CSMD1: variants seen among roughly 807,000 people sequenced by gnomAD.
CSMD1 encodes the protein CUB and sushi domain-containing protein 1.
CSMD1 carries 213 observed loss-of-function variants against 417.5 expected under a neutral mutation model. That is an observed-to-expected ratio of 0.51 (90% CI 0.46 to 0.57). CSMD1 has a LOEUF of 0.57. Ranked by LOEUF, CSMD1 falls within the 20% of genes least tolerant of loss-of-function variation. The pLI is 0.00. For missense variants in CSMD1, 6,923 were observed against 4,529.7 expected (o/e 1.53, Z -15.17); for synonymous variants, 2,862 against 1,736.8 (o/e 1.65, Z -16.11).
chr8:3,549,110 G>A (rs1298494900), intron 10 of CSMD1, among the ~76,000 whole-genome samples: 4 of 152,152 alleles, frequency 2.6e-5, no homozygotes, highest in Non-Finnish European at 5.9e-5. Context: ...ACATTGCCAT[G>A]CAGATGCCCG....
chr8:3,300,276 C>G (rs1223642713), intron 25 of CSMD1, among the ~76,000 whole-genome samples: 1 of 151,796 alleles, frequency 6.6e-6, no homozygotes, highest in Non-Finnish European at 1.5e-5. Flanking sequence ...TTTGTATTTG[C>G]ATAGAAAAAA....
chr8:4,086,560 G>C (rs10503232), intron 3 of CSMD1, among the ~76,000 whole-genome samples: 16,337 of 152,200 alleles, frequency 0.11, 970 homozygotes, highest in South Asian at 0.13. Context: ...AGGGCCCACA[G>C]AGTTACATCC....
intron 1 of CSMD1, among the ~76,000 whole-genome samples, chr8:4,775,355 T>A (rs1187801449): frequency 2.0e-5 from 3 of 152,174 alleles, no homozygotes; most frequent in African/African-American, 7.2e-5. Flanking sequence ...ACTACGAATT[T>A]TTATAGAAAA....
chr8:4,768,470 C>T (rs1416627370), intron 1 of CSMD1, among the ~76,000 whole-genome samples: 1 of 152,176 alleles, frequency 6.6e-6, no homozygotes, highest in Non-Finnish European at 1.5e-5. Flanking sequence ...GCAGTTGATT[C>T]TCTTAAAGGC....
intron 52 of CSMD1, among the ~76,000 whole-genome samples, chr8:3,013,981 C>T (rs1339184916): frequency 1.3e-5 from 2 of 152,132 alleles, no homozygotes; most frequent in African/African-American, 4.8e-5. Context: ...TTACCCAAAA[C>T]TCCCAAGTTC....
At chr8:3,904,410 T>A (rs781000108) in intron 5 of CSMD1, among the ~76,000 whole-genome samples, 39 of 152,202 alleles carry the variant, frequency 2.6e-4, no homozygotes, top group Admixed American at 8.5e-4. Flanking sequence ...TGGACCTATG[T>A]TAGTGCTTCT....
rs575356509 is a variant in CSMD1, at chr8:3,005,245, G to A, written c.8030-5114C>T. ...CTGGGTGGGACCCAGGAATTTGAACGTCTTTCCTGAGTTACAAAGAGTTTC... is the reference window on the plus strand; with the variant it reads ...CTGGGTGGGACCCAGGAATTTGAACATCTTTCCTGAGTTACAAAGAGTTTC... On this transcript the variant is annotated intron_variant, in intron 52 of 69. Transcript: ENST00000635120. Among the ~76,000 whole-genome samples, 8 of 152,306 alleles carry A rather than the reference G, an allele frequency of 5.3e-5. No individual in the cohort carries two copies. The East Asian group carries it at 5.8e-4, about 11-fold the overall frequency.
At chr8:4,733,885 G>A (rs1416065448) in intron 1 of CSMD1, among the ~76,000 whole-genome samples, 1 of 152,106 alleles carries the variant, frequency 6.6e-6, no homozygotes, top group Non-Finnish European at 1.5e-5. Context: ...ATTGACCTGG[G>A]TAGCTTTTTG....
At chr8:3,541,422 T>A (rs1354572344) in intron 10 of CSMD1, among the ~76,000 whole-genome samples, 1 of 152,040 alleles carries the variant, frequency 6.6e-6, no homozygotes, top group Non-Finnish European at 1.5e-5. Flanking sequence ...CTAATACGTG[T>A]GGGGCTTAAT....
At chr8:4,851,668 C>G (rs1484798549) in intron 1 of CSMD1, among the ~76,000 whole-genome samples, 1 of 152,124 alleles carries the variant, frequency 6.6e-6, no homozygotes, top group Non-Finnish European at 1.5e-5. Flanking sequence ...CCTGCTCTCC[C>G]TCTCCTCACT....
At chr8:3,502,900 G>C (rs991158506) in intron 10 of CSMD1, among the ~76,000 whole-genome samples, 6 of 152,128 alleles carry the variant, frequency 3.9e-5, no homozygotes, top group Admixed American at 2.0e-4. Context: ...TGCATGAACA[G>C]CATGAATGCA....
At chr8:4,487,053 G>A (rs901694081) in intron 2 of CSMD1, among the ~76,000 whole-genome samples, 2 of 152,060 alleles carry the variant, frequency 1.3e-5, no homozygotes, top group African/African-American at 2.4e-5. Flanking sequence ...ATATCTTTCC[G>A]CTTTCTAATT....
intron 7 of CSMD1, among the ~76,000 whole-genome samples, chr8:3,620,919 G>C (rs1277718678): frequency 1.3e-5 from 2 of 152,118 alleles, no homozygotes; most frequent in East Asian, 3.9e-4. Context: ...CTAAACACCA[G>C]TACCTCACAA....
intron 3 of CSMD1, among the ~76,000 whole-genome samples, chr8:4,354,831 C>G (rs922433487): frequency 6.0e-5 from 9 of 149,532 alleles, no homozygotes; most frequent in Admixed American, 2.0e-4. Context: ...GGTTTCTGAG[C>G]TCTCACTAGA....
intron 37 of CSMD1, among the ~76,000 whole-genome samples, chr8:3,166,941 C>T (rs1325434493): frequency 6.6e-6 from 1 of 152,198 alleles, no homozygotes; most frequent in Non-Finnish European, 1.5e-5. Flanking sequence ...ACATATGCTT[C>T]ATACCATAAA....
intron 11 of CSMD1, among the ~76,000 whole-genome samples, chr8:3,471,389 T>A (rs956548770): frequency 6.6e-5 from 10 of 152,186 alleles, no homozygotes; most frequent in Admixed American, 4.6e-4. Context: ...TTAAATATAG[T>A]CAATTTTGGT....
At chr8:4,206,195 C>A (rs966844603) in intron 3 of CSMD1, among the ~76,000 whole-genome samples, 8 of 147,744 alleles carry the variant, frequency 5.4e-5, no homozygotes, top group African/African-American at 1.3e-4. Flanking sequence ...ATGAGGATTT[C>A]TTTTTCTTTT....
intron 2 of CSMD1, among the ~76,000 whole-genome samples, chr8:4,561,311 T>C (rs529093039): frequency 1.9e-4 from 29 of 152,112 alleles, no homozygotes; most frequent in African/African-American, 5.8e-4. Context: ...GAGCTGGAGG[T>C]TGCAGTGAAT....
intron 3 of CSMD1, among the ~76,000 whole-genome samples, chr8:4,237,074 C>T (rs1563318038): frequency 6.6e-6 from 1 of 152,240 alleles, no homozygotes; most frequent in East Asian, 1.9e-4. Context: ...TATGATTACG[C>T]CTACAATTTT....
Sources: gnomAD v4.1 joint callset for allele counts (sites outside exome capture counted in the v4.1 genomes callset) on GRCh38, gnomAD v4.1.1 for gene constraint, MANE v1.5 for transcripts, NCBI Gene and HGNC (gene_info 2026-07-23, HGNC 2026-07-21) for gene names.